The following FNBP1L variants were observed in gnomAD, a reference collection of about 807,000 sequenced individuals.
The protein encoded by FNBP1L is formin-binding protein 1-like.
FNBP1L carries 36 observed loss-of-function variants against 91.2 expected under a neutral mutation model. The observed-to-expected ratio is 0.39, with a 90% CI of 0.30 to 0.52. The LOEUF is 0.52. Ranked by LOEUF, FNBP1L falls within the 20% of genes least tolerant of loss-of-function variation. The pLI is 0.66. For synonymous variants in FNBP1L, 242 were observed against 237.0 expected, an observed-to-expected ratio of 1.02 and a Z score of -0.19; for missense variants, 571 against 732.1, an observed-to-expected ratio of 0.78 and a Z score of 2.54.
chr1:93,509,415 G>A (rs1474347675), intron 2 of FNBP1L, among the ~76,000 whole-genome samples: 4 of 152,138 alleles, frequency 2.6e-5, no homozygotes, highest in Non-Finnish European at 4.4e-5. Flanking sequence ...AATTGGCCAC[G>A]TCGTTCTACC....
intron 6 of FNBP1L, 143 bp from the exon 7 acceptor site, chr1:93,530,612 C>G: frequency 2.5e-6 from 2 of 804,220 alleles, no homozygotes; most frequent in East Asian, 3.0e-5. Flanking sequence ...ATTAATAGTT[C>G]AAAAAAGTTA....
At chr1:93,456,602 C>CAAAAA (rs60167572) in intron 1 of FNBP1L, among the ~76,000 whole-genome samples, 1 of 53,376 alleles carries the variant, frequency 1.9e-5, no homozygotes, top group African/African-American at 6.0e-5. Context: ...CCTTCTCTAC[C>CAAAAA]AAAAAAAAAA....
intron 1 of FNBP1L, among the ~76,000 whole-genome samples, chr1:93,460,869 C>T (rs1277614444): frequency 1.3e-5 from 2 of 152,094 alleles, no homozygotes; most frequent in Non-Finnish European, 2.9e-5. Context: ...ATCATGCTGA[C>T]TACAGTTAAT....
chr1:93,499,049 C>A (rs574338084), intron 1 of FNBP1L, among the ~76,000 whole-genome samples: 27 of 152,230 alleles, frequency 1.8e-4, no homozygotes, highest in East Asian at 1.9e-4. Context: ...ACACATGATT[C>A]TGGCCCTCAA....
intron 1 of FNBP1L, among the ~76,000 whole-genome samples, chr1:93,483,119 T>G (rs1570788866): frequency 7.9e-6 from 1 of 126,888 alleles, no homozygotes; most frequent in Non-Finnish European, 1.6e-5. Flanking sequence ...CCCAGAAAGG[T>G]GGTGATGCTG....
intron 1 of FNBP1L, among the ~76,000 whole-genome samples, chr1:93,478,306 C>CAG (rs373065741): frequency 7.3e-5 from 11 of 150,804 alleles, no homozygotes; most frequent in African/African-American, 1.7e-4. Flanking sequence ...AGAGCCTAAG[C>CAG]AGAGAGAGAG....
chr1:93,537,087 G>A (rs1671874232), intron 10 of FNBP1L, among the ~76,000 whole-genome samples: 1 of 151,802 alleles, frequency 6.6e-6, no homozygotes, highest in African/African-American at 2.4e-5. Context: ...TTACTAAACT[G>A]TTGTTTAGCA....
chr1:93,549,970 A>G (rs548146700), intron 15 of FNBP1L, among the ~76,000 whole-genome samples: 3 of 152,220 alleles, frequency 2.0e-5, no homozygotes, highest in Non-Finnish European at 4.4e-5. Context: ...AAACTCTGGA[A>G]GGGAAGTAAG....
chr1:93,493,493 G>A (rs1481667049), intron 1 of FNBP1L, among the ~76,000 whole-genome samples: 1 of 152,032 alleles, frequency 6.6e-6, no homozygotes, highest in Non-Finnish European at 1.5e-5. Flanking sequence ...TCTTCATCTT[G>A]CAACTCTACA....
At chr1:93,490,804 C>T (rs1208459196) in intron 1 of FNBP1L, among the ~76,000 whole-genome samples, 1 of 152,168 alleles carries the variant, frequency 6.6e-6, no homozygotes, top group East Asian at 1.9e-4. Flanking sequence ...TTCCCTTGAC[C>T]TTTTCCATAG....
chr1:93,541,718 C>A (rs767146623), intron 11 of FNBP1L, among the ~76,000 whole-genome samples: 1 of 152,032 alleles, frequency 6.6e-6, no homozygotes, highest in African/African-American at 2.4e-5. Flanking sequence ...GGAAAATAGA[C>A]CACTCTTTTT....
At chr1:93,484,077 C>T (rs550978882) in intron 1 of FNBP1L, among the ~76,000 whole-genome samples, 138 of 152,086 alleles carry the variant, frequency 9.1e-4, no homozygotes, top group Non-Finnish European at 1.4e-3. Context: ...TACAGGCGTG[C>T]GCCACCATGC....
intron 5 of FNBP1L, among the ~76,000 whole-genome samples, chr1:93,527,224 C>T (rs767527964): frequency 1.3e-5 from 2 of 152,128 alleles, no homozygotes; most frequent in Non-Finnish European, 2.9e-5. Flanking sequence ...CTTGATATAA[C>T]AGCTATTGTA....
At chr1:93,465,255 C>G (rs1669034251) in intron 1 of FNBP1L, among the ~76,000 whole-genome samples, 2 of 151,724 alleles carry the variant, frequency 1.3e-5, no homozygotes, top group Non-Finnish European at 1.5e-5. Flanking sequence ...GCACAACATG[C>G]AGGTTTGATA....
At position 93,534,871 on chromosome 1, in the gene FNBP1L, C is replaced by T. The variant is rs779191301; in HGVS notation, c.953C>T (p.Ala318Val). 6.3e-6 allele frequency: 10 copies of T among 1,577,534 alleles called. No individual in the cohort carries two copies. Among genetic ancestry groups the T allele is most frequent in the South Asian group, 2.3e-5 (2 of 85,696 alleles). Residue 318 changes from alanine (A) to valine (V), a missense_variant, in exon 9 of 17, where the codon GCC (alanine) becomes GTC (valine). Coordinates refer to ENST00000271234, the MANE Select transcript of FNBP1L (RefSeq NM_001164473.3). The stretch of plus-strand genomic sequence containing the variant: ...GATGCCAAAACCACAGTAGGAAAGG[C>T]CAAGGGCAAATTGTGGCTCTTTGGA... Reference protein sequence around the residue: ...KMDAKTTVGKAKGKLWLFGKK... With the variant: ...KMDAKTTVGKVKGKLWLFGKK...
intron 2 of FNBP1L, among the ~76,000 whole-genome samples, chr1:93,511,944 C>T (rs61784067): frequency 5.0e-4 from 54 of 107,084 alleles, no homozygotes; most frequent in Admixed American, 1.0e-3. Context: ...CCAGCCTGGG[C>T]GACAGAGCGA....
At chr1:93,480,820 C>T (rs928438620) in intron 1 of FNBP1L, among the ~76,000 whole-genome samples, 1 of 152,074 alleles carries the variant, frequency 6.6e-6, no homozygotes. Context: ...CCTCGGCCTC[C>T]CAAAGTGCTG....
intron 2 of FNBP1L, among the ~76,000 whole-genome samples, chr1:93,511,869 G>A (rs1303847655): frequency 6.7e-6 from 1 of 149,952 alleles, no homozygotes; most frequent in African/African-American, 2.5e-5. Context: ...GGGAGGCTGA[G>A]GCAGGAGAAT....
intron 7 of FNBP1L, 143 bp from the exon 8 acceptor site, chr1:93,532,779 A>G (rs1035581652): frequency 2.2e-5 from 11 of 507,044 alleles, no homozygotes; most frequent in African/African-American, 7.8e-5. Context: ...TTATAAGTCA[A>G]TAGCACTTGT....
Sources: gnomAD v4.1 joint callset for allele counts (sites outside exome capture counted in the v4.1 genomes callset) on GRCh38, gnomAD v4.1.1 for gene constraint, MANE v1.5 for transcripts, NCBI Gene and HGNC (gene_info 2026-07-23, HGNC 2026-07-21) for gene names.